Variants in CASP6 observed in about 807,000 individuals in gnomAD.
CASP6 encodes the protein caspase-6.
In CASP6, 20 loss-of-function variants were observed where a neutral mutation model predicts 31.8. The observed-to-expected ratio is 0.63, with a 90% CI of 0.44 to 0.91. The LOEUF (loss-of-function observed/expected upper bound fraction) is 0.91, where lower values mean the gene tolerates loss of function less well. Ranked by LOEUF, CASP6 falls within the 40% of genes least tolerant of loss-of-function variation. CASP6 has a pLI of 0.00. For missense variants in CASP6, 328 were observed against 361.1 expected, an observed-to-expected ratio of 0.91 and a Z score of 0.74; for synonymous variants, 130 against 127.8, an observed-to-expected ratio of 1.02 and a Z score of -0.12.
the CASP6 span, among the ~76,000 whole-genome samples, chr4:109,678,601 G>A: frequency 7.0e-6 from 1 of 142,266 alleles, no homozygotes; most frequent in Admixed American, 6.9e-5. Flanking sequence ...GTGGCGGCCA[G>A]GCAGAGGCAC....
the CASP6 span, among the ~76,000 whole-genome samples, chr4:109,672,524 G>A: frequency 6.6e-6 from 1 of 152,166 alleles, no homozygotes; most frequent in African/African-American, 2.4e-5. Flanking sequence ...TTAAGGGTAG[G>A]AGGAAGAAAT....
chr4:109,700,229 T>C (rs1032415026), intron 1 of CASP6, among the ~76,000 whole-genome samples: 4 of 152,368 alleles, frequency 2.6e-5, no homozygotes, highest in African/African-American at 9.6e-5. Context: ...GCTTCCCAGT[T>C]GTTAGCTGAC....
chr4:109,684,646 G>C, downstream of CASP6: 1 of 1,383,932 alleles, frequency 7.2e-7, no homozygotes, highest in Non-Finnish European at 1.0e-6. Context: ...TCACTCGACA[G>C]GTGAGTAGTT....
intron 1 of CASP6, among the ~76,000 whole-genome samples, chr4:109,701,052 G>A (rs906551681): frequency 6.6e-6 from 1 of 152,146 alleles, no homozygotes; most frequent in African/African-American, 2.4e-5. Context: ...TCCGCCTCCG[G>A]GTTCAAGCGA....
chr4:109,674,447 A>G, the CASP6 span, among the ~76,000 whole-genome samples: 2 of 152,142 alleles, frequency 1.3e-5, no homozygotes, highest in Non-Finnish European at 2.9e-5. Flanking sequence ...TCCTGAAGGT[A>G]CTCCCAGTTT....
At chr4:109,689,654 TCTTAAAAATC>T in intron 6 of CASP6, 86 bp from the exon 7 acceptor site, 1 of 1,237,316 alleles carries the variant, frequency 8.1e-7, no homozygotes, top group Middle Eastern at 2.0e-4. Flanking sequence ...AAGTATAAGT[TCTTAAAAATC>T]CTTAGAAGAG....
At chr4:109,706,175 A>T (rs1263021069), upstream of CASP6, among the ~76,000 whole-genome samples, 1 of 117,296 alleles carries the variant, frequency 8.5e-6, no homozygotes, top group South Asian at 2.7e-4. Context: ...ATATATACAC[A>T]CACACATATA....
the CASP6 span, chr4:109,673,813 C>T: frequency 6.1e-6 from 4 of 658,038 alleles, no homozygotes; most frequent in Middle Eastern, 4.4e-4. Context: ...GAGGTTTTTT[C>T]GCTCTAGGGA....
chr4:109,702,171 A>G (rs905932237), intron 1 of CASP6, among the ~76,000 whole-genome samples: 1 of 152,128 alleles, frequency 6.6e-6, no homozygotes, highest in Non-Finnish European at 1.5e-5. Flanking sequence ...CTGCAACTGG[A>G]CCCTGCACTG....
chr4:109,690,630 C>T (rs2126156029), intron 6 of CASP6, among the ~76,000 whole-genome samples: 1 of 152,174 alleles, frequency 6.6e-6, no homozygotes, highest in Admixed American at 6.5e-5. Context: ...TAGACTGTTG[C>T]TTTACTCAAC....
chr4:109,685,023 A>T, downstream of CASP6: 1 of 411,626 alleles, frequency 2.4e-6, no homozygotes, highest in Non-Finnish European at 4.3e-6. Context: ...CTTTCCCATT[A>T]TGTGTAATTT....
intron 1 of CASP6, 54 bp downstream of exon 1, chr4:109,703,302 C>T: frequency 6.3e-7 from 1 of 1,575,170 alleles, no homozygotes; most frequent in Non-Finnish European, 8.6e-7. Context: ...GTTTCCCCTC[C>T]AGCCGGAGCA....
intron 4 of CASP6, among the ~76,000 whole-genome samples, chr4:109,696,024 G>A (rs910450099): frequency 7.2e-5 from 11 of 152,150 alleles, no homozygotes; most frequent in Admixed American, 2.0e-4. Flanking sequence ...AGGAGGTAAT[G>A]TATGTAAACC....
At chr4:109,687,243 T>C (rs913614270), downstream of CASP6, among the ~76,000 whole-genome samples, 2 of 151,896 alleles carry the variant, frequency 1.3e-5, no homozygotes, top group African/African-American at 4.8e-5. Context: ...CCTGTGGTCC[T>C]AGCTACTTGG....
rs182175403 is a variant in CASP6, at chr4:109,690,859, C to T, written c.634G>A (p.Val212Ile). The change falls in exon 6 of 7, where the codon GTT (valine) becomes ATT (isoleucine). Residue 212 changes from valine (V) to isoleucine (I), a missense_variant. By Grantham distance (29) the Val-to-Ile change is conservative. Transcript: ENST00000265164. Reference sequence around the variant, plus strand: ...TTTAAACACCACACACCTTCTGCAACAGAGTAACACATGAGGAAGTCAGCT... The same window carrying T: ...TTTAAACACCACACACCTTCTGCAATAGAGTAACACATGAGGAAGTCAGCT... ...AGADFLMCYS[V>I]AEGYYSHRET... The T allele has an allele frequency of 7.9e-5, 127 of 1,607,566 alleles. No individual in the cohort carries two copies. The East Asian group carries it at 2.6e-3, about 33-fold the overall frequency.
intron 4 of CASP6, among the ~76,000 whole-genome samples, chr4:109,695,613 G>A (rs1341169074): frequency 1.3e-5 from 2 of 151,908 alleles, no homozygotes; most frequent in East Asian, 1.9e-4. Flanking sequence ...AAAATTAGCT[G>A]GGCATGGGGG....
Position 109,690,989 on chromosome 4 carries a change from G to T in CASP6, c.504C>A (p.His168Gln), listed in dbSNP as rs761422782. ...CATCCAAAGGAATGACTGGCACATC[G>T]TGCTGGTTTCCCCGACATGCCTACA... Reference protein sequence around the residue: ...FIIQACRGNQHDVPVIPLDVV... With the variant: ...FIIQACRGNQQDVPVIPLDVV... Residue 168 changes from histidine to glutamine, a missense_variant, in exon 6 of 7, where the codon CAC (histidine) becomes CAA (glutamine). Physicochemically the swap from His to Gln is conservative, Grantham distance 24. Coordinates refer to ENST00000265164, the MANE Select transcript of CASP6 (RefSeq NM_001226.4). The T allele has an allele frequency of 6.2e-7, 1 of 1,611,758 alleles. No homozygotes were observed. The highest frequency in any genetic ancestry group is 1.3e-5 in the African/African-American group (1 of 74,822).
rs1419434599 is a variant in CASP6, at chr4:109,698,306, T to C, written c.77A>G (p.Tyr26Cys). The C allele has an allele frequency of 1.2e-6, 2 of 1,611,020 alleles. No individual in the cohort carries two copies. The highest frequency in any genetic ancestry group is 1.1e-5 in the South Asian group (1 of 90,182). ...GAAAAGAGCACAGCTTTACCTTTTA[T>C]AGAAGGCATCTGTTTCTGTCATGTT... ...EENMTETDAF[Y>C]KREMFDPAEK... The change falls in exon 2 of 7, where the codon TAT (tyrosine) becomes TGT (cysteine). Residue 26 changes from tyrosine (Y) to cysteine (C), a missense_variant. By Grantham distance (194) the Tyr-to-Cys change is radical. Coordinates refer to ENST00000265164, the MANE Select transcript of CASP6 (RefSeq NM_001226.4).
At chr4:109,706,571 A>C (rs1042371104), upstream of CASP6, among the ~76,000 whole-genome samples, 3 of 152,046 alleles carry the variant, frequency 2.0e-5, no homozygotes, top group African/African-American at 7.2e-5. Context: ...ATTTTGAAAG[A>C]AGGTCTGTGG....
Sources: allele counts gnomAD v4.1 joint callset (sites outside exome capture counted in the v4.1 genomes callset), GRCh38; gene constraint gnomAD v4.1.1; transcripts MANE v1.5; gene names NCBI Gene and HGNC (gene_info 2026-07-23, HGNC 2026-07-21).